Variants in NOTCH2NLC observed in about 807,000 individuals in gnomAD.
The protein encoded by NOTCH2NLC is notch homolog 2 N-terminal-like protein C.
In NOTCH2NLC, 4 loss-of-function variants were observed where a neutral mutation model predicts 17.7. The observed-to-expected ratio is 0.23, with a 90% confidence interval of 0.11 to 0.52. The LOEUF is 0.52. Among genes scored for constraint, NOTCH2NLC ranks in the 20% least tolerant of loss-of-function variants. The pLI is 0.96. For synonymous variants in NOTCH2NLC, 18 were observed against 86.0 expected, an observed-to-expected ratio of 0.21 and a Z score of 4.38; for missense variants, 57 against 207.2, an observed-to-expected ratio of 0.28 and a Z score of 4.45.
chr1:149,391,683 AT>A (rs2084169495), intron 1 of NOTCH2NLC, among the ~76,000 whole-genome samples: 11 of 143,372 alleles, frequency 7.7e-5, no homozygotes, highest in Non-Finnish European at 7.8e-5. Flanking sequence ...AGACCCAGGA[AT>A]GTGGTGTGAC....
chr1:149,415,929 C>G, intron 1 of NOTCH2NLC, among the ~76,000 whole-genome samples: 1 of 150,832 alleles, frequency 6.6e-6, no homozygotes, highest in Non-Finnish European at 1.5e-5. Context: ...TTATTATAGA[C>G]TTATTATAGT....
At chr1:149,461,261 G>A (rs1415663641) in intron 3 of NOTCH2NLC, among the ~76,000 whole-genome samples, 1 of 148,408 alleles carries the variant, frequency 6.7e-6, no homozygotes, top group African/African-American at 2.5e-5. Context: ...TCAGTTGTGG[G>A]CATCACTCTG....
intron 1 of NOTCH2NLC, among the ~76,000 whole-genome samples, chr1:149,392,760 ATTG>A (rs2084178048): frequency 6.6e-6 from 1 of 151,298 alleles, no homozygotes; most frequent in Admixed American, 6.6e-5. Context: ...AATAAATATG[ATTG>A]TAAAGTGATT....
intron 1 of NOTCH2NLC, among the ~76,000 whole-genome samples, chr1:149,412,129 A>AC (rs1275661048): frequency 8.7e-5 from 12 of 137,762 alleles, no homozygotes; most frequent in Admixed American, 2.1e-4. Flanking sequence ...AAAAAAAAAA[A>AC]ACAAAAAAAA....
rs1414411378 is a variant in NOTCH2NLC at position 149,468,758 on chromosome 1, A to G, written c.*4605A>G. Among the ~76,000 whole-genome samples the G allele has an allele frequency of 1.4e-5, 2 of 143,296 alleles. No homozygotes were observed. The highest frequency in any genetic ancestry group is 3.0e-5 in the Non-Finnish European group (2 of 65,832). The allele number at this position is 143,296 out of a possible 152,430, so 94.0% of individuals were successfully genotyped here. On this transcript the variant is annotated 3_prime_UTR_variant, in exon 5 of 5. Coordinates refer to ENST00000650865, the MANE Select transcript of NOTCH2NLC (RefSeq NM_001364013.2). ...GAAAAAAGTGGAGGTCAGTAGGGAG[A>G]TATGAAGGGACGCAAGTGGAAGCAG...
At chr1:149,414,491 G>A (rs1221786235) in intron 1 of NOTCH2NLC, among the ~76,000 whole-genome samples, 1 of 150,846 alleles carries the variant, frequency 6.6e-6, no homozygotes, top group African/African-American at 2.4e-5. Context: ...AAATCTGGGG[G>A]TAAAGCAGGA....
intron 2 of NOTCH2NLC, among the ~76,000 whole-genome samples, chr1:149,446,052 G>A (rs1322206130): frequency 1.8e-5 from 2 of 108,780 alleles, no homozygotes; most frequent in Non-Finnish European, 3.8e-5. Context: ...CTTATTTCCT[G>A]CTCAGACTTC....
In NOTCH2NLC at chr1:149,468,962, T is replaced by C. The variant is rs1460278357; in HGVS notation, c.*4809T>C. 5.0e-5 allele frequency among the ~76,000 whole-genome samples: 6 copies of C among 120,848 alleles called. No individual in the cohort carries two copies. Among genetic ancestry groups the C allele is most frequent in the African/African-American group, 1.2e-4 (4 of 33,466 alleles). 79.3% of individuals were successfully genotyped at this position (120,848 alleles called of 152,430 possible). A position where few individuals can be genotyped will look rare whatever the true frequency, so the allele number is the denominator to read the frequency against. ...TGTGTCATTTTCTTTTCTTTTCTTT[T>C]TTTTTTTTTTTTTTTTTTTTGAGAC... On this transcript the variant is annotated 3_prime_UTR_variant, in exon 5 of 5. Transcript: ENST00000650865.
intron 1 of NOTCH2NLC, 150 bp from the exon 2 acceptor site, chr1:149,430,792 A>G: frequency 2.2e-6 from 1 of 460,446 alleles, no homozygotes; most frequent in Non-Finnish European, 4.1e-6. Context: ...AGAAGCCAAA[A>G]CATAAAAAAC....
At chr1:149,404,244 C>T (rs1489421035) in intron 1 of NOTCH2NLC, among the ~76,000 whole-genome samples, 2 of 150,162 alleles carry the variant, frequency 1.3e-5, no homozygotes, top group African/African-American at 4.9e-5. Flanking sequence ...AGCCAAAATA[C>T]TTGGTGTTTT....
chr1:149,423,436 T>C (rs2084390320), intron 1 of NOTCH2NLC, among the ~76,000 whole-genome samples: 1 of 151,128 alleles, frequency 6.6e-6, no homozygotes, highest in South Asian at 2.1e-4. Flanking sequence ...TTGTTTGAAA[T>C]TGCAGGGCGC....
intron 1 of NOTCH2NLC, among the ~76,000 whole-genome samples, chr1:149,392,542 GT>G (rs1392291195): frequency 2.0e-5 from 3 of 150,438 alleles, no homozygotes; most frequent in Admixed American, 1.3e-4. Context: ...ATATGATGGT[GT>G]TTTTGCTTTT....
intron 1 of NOTCH2NLC, among the ~76,000 whole-genome samples, chr1:149,398,670 T>A (rs1401911982): frequency 1.2e-4 from 18 of 151,240 alleles, no homozygotes; most frequent in Non-Finnish European, 2.7e-4. Flanking sequence ...CCTCTCGCAT[T>A]TCCAGCCAGC....
chr1:149,460,901 T>TC (rs2084644761), intron 3 of NOTCH2NLC, among the ~76,000 whole-genome samples: 1 of 66,298 alleles, frequency 1.5e-5, no homozygotes, highest in Non-Finnish European at 3.5e-5. Context: ...CTTTCTTTCT[T>TC]TCTTTCTTTC....
chr1:149,433,367 A>G (rs2084464068), intron 2 of NOTCH2NLC, among the ~76,000 whole-genome samples: 1 of 147,412 alleles, frequency 6.8e-6, no homozygotes, highest in Non-Finnish European at 1.5e-5. Flanking sequence ...TGATAGGTGC[A>G]GCAAACCACC....
chr1:149,399,128 GTGT>G (rs2084229109), intron 1 of NOTCH2NLC, among the ~76,000 whole-genome samples: 1 of 151,052 alleles, frequency 6.6e-6, no homozygotes, highest in Non-Finnish European at 1.5e-5. Flanking sequence ...GATGAATAAG[GTGT>G]TGTACAAGAA....
In NOTCH2NLC at chr1:149,390,809, G is replaced by GGCGGCGGCA; in HGVS notation, c.30_31insAGCGGCGGC (p.Gly10_Gly11insSerGlyGly). ...CCCCATGTGGATCTGCCCAGGCGGC[G>GGCGGCGGCA]GCGGCGGCGGCGGCGGCGGCGGAGG... On this transcript the variant is annotated inframe_insertion, in exon 1 of 5. Coordinates refer to ENST00000650865, the MANE Select transcript of NOTCH2NLC (RefSeq NM_001364013.2). The GGCGGCGGCA allele has an allele frequency of 1.6e-6, 2 of 1,286,430 alleles. 1 individual carries two copies. Among genetic ancestry groups the GGCGGCGGCA allele is most frequent in the Non-Finnish European group, 2.0e-6 (2 of 1,016,758 alleles). 79.7% of individuals were successfully genotyped at this position (1,286,430 alleles called of 1,614,324 possible).
chr1:149,423,560 C>A lies in NOTCH2NLC; in HGVS notation c.136-7382C>A, dbSNP rs1262448233. Among the ~76,000 whole-genome samples the A allele has an allele frequency of 2.0e-5, 3 of 147,982 alleles. 1 individual carries two copies. Among genetic ancestry groups the A allele is most frequent in the African/African-American group, 7.5e-5 (3 of 40,010 alleles). On this transcript the variant is annotated intron_variant, in intron 1 of 4. Coordinates refer to ENST00000650865, the MANE Select transcript of NOTCH2NLC (RefSeq NM_001364013.2). ...ACTTTGCTTTGTTCATTTTACTGAG[C>A]CTCTTCCAGAGGCCATGTGCCAGAA...
intron 1 of NOTCH2NLC, among the ~76,000 whole-genome samples, chr1:149,423,349 C>T (rs1326256702): frequency 1.2e-4 from 18 of 151,066 alleles, no homozygotes; most frequent in South Asian, 2.1e-4. Flanking sequence ...TTGAAGCTTC[C>T]GCACTTCTTC....
Sources: allele counts gnomAD v4.1 joint callset (sites outside exome capture counted in the v4.1 genomes callset), GRCh38; gene constraint gnomAD v4.1.1; transcripts MANE v1.5; gene names NCBI Gene and HGNC (gene_info 2026-07-23, HGNC 2026-07-21).